Variants in SAXO1 observed in about 807,000 individuals in gnomAD.
SAXO1 encodes the protein 4930500O09Rik.
A neutral mutation model predicts 17.5 loss-of-function variants in SAXO1; 21 were observed. That is an observed-to-expected ratio of 1.20 (90% CI 0.85 to 1.72). SAXO1 has a LOEUF of 1.72. Among genes scored for constraint, SAXO1 ranks in the 40% most tolerant of loss-of-function variants. The probability of loss-of-function intolerance (pLI) is 0.00; values close to 1 mark genes in which losing one functional copy is unlikely to be tolerated. For missense variants in SAXO1, 843 were observed against 596.0 expected, an observed-to-expected ratio of 1.41 and a Z score of -4.32; for synonymous variants, 274 against 216.5, an observed-to-expected ratio of 1.27 and a Z score of -2.33.
In SAXO1 at chr9:18,928,471, C is replaced by T. The variant is rs2131660592; in HGVS notation, c.1006G>A (p.Gly336Ser). ...TAGTCATCCTTGGTGGTGGAAGAGC[C>T]TTCAAAGCGACCGCACTTCTTAATC... The part of the protein sequence containing the change: ...LQIKKCGRFE[G>S]SSTTKDDYKQ... Residue 336 changes from glycine to serine, a missense_variant, in exon 4 of 4, where the codon GGC (glycine) becomes AGC (serine). By Grantham distance (56) the Gly-to-Ser change is moderately conservative. Coordinates refer to ENST00000380534, the MANE Select transcript of SAXO1 (RefSeq NM_153707.4). The T allele has an allele frequency of 6.2e-7, 1 of 1,612,680 alleles. No individual in the cohort carries two copies. Among genetic ancestry groups the T allele is most frequent in the African/African-American group, 1.3e-5 (1 of 74,958 alleles).
chr9:18,930,431 G>T (rs773452998), intron 3 of SAXO1, among the ~76,000 whole-genome samples: 2 of 151,946 alleles, frequency 1.3e-5, no homozygotes, highest in East Asian at 3.9e-4. Context: ...AGCACACCAA[G>T]ACTGAAAGTC....
At chr9:19,045,625 A>G (rs1443998581) in intron 1 of SAXO1, among the ~76,000 whole-genome samples, 1 of 152,222 alleles carries the variant, frequency 6.6e-6, no homozygotes, top group Non-Finnish European at 1.5e-5. Flanking sequence ...CCATCCCAGT[A>G]GAAGAATCCT....
chr9:18,990,500 G>C (rs764196776), intron 1 of SAXO1, among the ~76,000 whole-genome samples: 1 of 152,150 alleles, frequency 6.6e-6, no homozygotes. Flanking sequence ...GAACCTCAGA[G>C]GTTGAGGCTG....
chr9:18,969,231 C>A (rs1480971808), intron 1 of SAXO1, among the ~76,000 whole-genome samples: 1 of 152,160 alleles, frequency 6.6e-6, no homozygotes, highest in Non-Finnish European at 1.5e-5. Context: ...AATGCAGAGC[C>A]AACAACCAAA....
intron 1 of SAXO1, among the ~76,000 whole-genome samples, chr9:18,986,408 G>A (rs570175955): frequency 4.0e-4 from 61 of 152,256 alleles, no homozygotes; most frequent in African/African-American, 1.4e-3. Flanking sequence ...TATTTTAACA[G>A]GATAACTGTA....
At chr9:18,962,286 T>C (rs1832520107) in intron 1 of SAXO1, among the ~76,000 whole-genome samples, 2 of 152,224 alleles carry the variant, frequency 1.3e-5, no homozygotes, top group Admixed American at 1.3e-4. Context: ...CAGGCTAGTC[T>C]TGAACTCCCG....
At chr9:19,023,027 G>A (rs550388485) in intron 1 of SAXO1, among the ~76,000 whole-genome samples, 16 of 152,278 alleles carry the variant, frequency 1.1e-4, no homozygotes, top group African/African-American at 3.9e-4. Context: ...GGACTCAAGT[G>A]TAGGCATCCC....
At chr9:19,010,920 G>C (rs1834704957) in intron 1 of SAXO1, among the ~76,000 whole-genome samples, 1 of 152,060 alleles carries the variant, frequency 6.6e-6, no homozygotes. Context: ...TTAAGTGCTT[G>C]ACATACATTA....
chr9:19,003,727 T>A (rs1834376597), intron 1 of SAXO1, among the ~76,000 whole-genome samples: 1 of 152,118 alleles, frequency 6.6e-6, no homozygotes, highest in Non-Finnish European at 1.5e-5. Context: ...TCCTTACACC[T>A]TAAACAAAAA....
At chr9:19,010,409 T>G (rs1834678122) in intron 1 of SAXO1, among the ~76,000 whole-genome samples, 1 of 152,124 alleles carries the variant, frequency 6.6e-6, no homozygotes, top group South Asian at 2.1e-4. Context: ...AGGGGCTATT[T>G]GCTGTTTCTT....
At chr9:19,002,926 T>G (rs1834335655) in intron 1 of SAXO1, among the ~76,000 whole-genome samples, 1 of 152,158 alleles carries the variant, frequency 6.6e-6, no homozygotes, top group African/African-American at 2.4e-5. Context: ...TAAAAGGTAT[T>G]CAATTAAGCA....
chr9:19,018,663 A>T (rs1835098240), intron 1 of SAXO1, among the ~76,000 whole-genome samples: 1 of 152,230 alleles, frequency 6.6e-6, no homozygotes. Context: ...GAAACAACAG[A>T]TGAAGGTTTT....
intron 1 of SAXO1, among the ~76,000 whole-genome samples, chr9:18,978,476 C>T (rs979139308): frequency 1.3e-5 from 2 of 152,186 alleles, no homozygotes; most frequent in Non-Finnish European, 2.9e-5. Context: ...GCTCAAACTC[C>T]ATTTTCAGGG....
chr9:19,040,937 A>G (rs1836064353), intron 1 of SAXO1, among the ~76,000 whole-genome samples: 1 of 151,968 alleles, frequency 6.6e-6, no homozygotes, highest in Non-Finnish European at 1.5e-5. Context: ...AAAGCATTAA[A>G]AAAATCTTGC....
At position 18,974,108 on chromosome 9, in the gene SAXO1, A is replaced by C. The variant is rs557361478; in HGVS notation, c.39-23171T>G. On this transcript the variant is annotated intron_variant, in intron 1 of 3. Coordinates refer to ENST00000380534, the MANE Select transcript of SAXO1 (RefSeq NM_153707.4). ...AAGCAGACAGTAAGGGGTTGTAGGT[A>C]CAATGGGGCAGGAGAGGCATCCAAA... 6.5e-4 allele frequency among the ~76,000 whole-genome samples: 99 copies of C among 152,336 alleles called. 1 individual carries two copies. Among genetic ancestry groups the C allele is most frequent in the Middle Eastern group, 3.4e-3 (1 of 294 alleles).
intron 1 of SAXO1, among the ~76,000 whole-genome samples, chr9:18,998,901 A>G (rs1834125873): frequency 6.6e-6 from 1 of 152,208 alleles, no homozygotes; most frequent in Admixed American, 6.5e-5. Context: ...CAGAAAGCAA[A>G]TGCTGAGAGA....
chr9:18,928,382 G>C lies in SAXO1; in HGVS notation c.1095C>G (p.Thr365=). ...VKPVPQLDLP[T]EPLDCLTTTR... ...TGGTGGTCAGGCAGTCCAGGGGCTC[G>C]GTGGGCAAGTCCAGCTGGGGAACGG... Residue 365 remains threonine, a synonymous_variant, in exon 4 of 4, where the codon ACC becomes ACG. Transcript: ENST00000380534. 1 of 1,612,026 alleles carries C rather than the reference G, an allele frequency of 6.2e-7. No homozygotes were observed. The highest frequency in any genetic ancestry group is 8.5e-7 in the Non-Finnish European group (1 of 1,179,124).
intron 1 of SAXO1, among the ~76,000 whole-genome samples, chr9:18,962,693 C>T (rs151336428): frequency 6.6e-6 from 1 of 152,020 alleles, no homozygotes; most frequent in Non-Finnish European, 1.5e-5. Context: ...CTTGTAGATT[C>T]TGGGTATTAG....
intron 1 of SAXO1, among the ~76,000 whole-genome samples, chr9:19,041,435 G>A (rs1481383723): frequency 6.6e-6 from 1 of 152,044 alleles, no homozygotes; most frequent in Non-Finnish European, 1.5e-5. Context: ...CGCAGAAATA[G>A]AAAAAACAAT....
Sources: gnomAD v4.1 joint callset for allele counts (sites outside exome capture counted in the v4.1 genomes callset) on GRCh38, gnomAD v4.1.1 for gene constraint, MANE v1.5 for transcripts, NCBI Gene and HGNC (gene_info 2026-07-23, HGNC 2026-07-21) for gene names.